SIL1: variants seen among roughly 807,000 people sequenced by gnomAD.
SIL1 encodes the protein SIL1 nucleotide exchange factor.
A neutral mutation model predicts 49.1 loss-of-function variants in SIL1; 40 were observed. The observed-to-expected ratio is 0.81, with a 90% CI of 0.63 to 1.06. SIL1 has a LOEUF of 1.06. Among genes scored for constraint, SIL1 ranks in the 50% least tolerant of loss-of-function variants. The pLI is 0.00. For synonymous variants in SIL1, 253 were observed against 250.8 expected, an observed-to-expected ratio of 1.01 and a Z score of -0.08; for missense variants, 500 against 572.6, an observed-to-expected ratio of 0.87 and a Z score of 1.29.
chr5:139,052,138 C>G lies in SIL1; in HGVS notation c.245-1092G>C, dbSNP rs768970410. 3.7e-4 allele frequency among the ~76,000 whole-genome samples: 56 copies of G among 152,096 alleles called. 1 individual carries two copies. The highest frequency in any genetic ancestry group is 1.5e-4 in the Non-Finnish European group (10 of 68,024). On this transcript the variant is annotated intron_variant, in intron 3 of 9. Coordinates refer to ENST00000394817, the MANE Select transcript of SIL1 (RefSeq NM_022464.5). ...GTTCTCTCAAATAATCAGGTAAACT[C>G]AAGTATAGAAGGATAATGATATAGG... is the stretch of plus-strand genomic sequence containing the variant.
chr5:139,124,306 C>T (rs1750712574), intron 2 of SIL1, among the ~76,000 whole-genome samples: 1 of 152,130 alleles, frequency 6.6e-6, no homozygotes, highest in African/African-American at 2.4e-5. Context: ...GACTGATGAA[C>T]CACCGAGCTA....
intron 1 of SIL1, among the ~76,000 whole-genome samples, chr5:139,159,146 C>A (rs770363763): frequency 6.6e-6 from 1 of 151,722 alleles, no homozygotes. Context: ...GCAGCACATG[C>A]GCAAAACAGT....
intron 1 of SIL1, among the ~76,000 whole-genome samples, chr5:139,165,257 A>G (rs182574455): frequency 1.4e-4 from 21 of 152,292 alleles, no homozygotes; most frequent in African/African-American, 5.1e-4. Flanking sequence ...GATAAACTCA[A>G]CCGTCAGCCA....
intron 3 of SIL1, among the ~76,000 whole-genome samples, chr5:139,069,733 A>C (rs1318963109): frequency 6.6e-6 from 1 of 152,210 alleles, no homozygotes; most frequent in Non-Finnish European, 1.5e-5. Flanking sequence ...TTGGATTTTA[A>C]AGGCAAAGGA....
chr5:139,192,110 T>G (rs1752184656), intron 1 of SIL1, among the ~76,000 whole-genome samples: 6 of 136,896 alleles, frequency 4.4e-5, no homozygotes, highest in Admixed American at 2.3e-4. Flanking sequence ...CACTGGCGAG[T>G]GAGGCATGGT....
chr5:139,092,851 C>T (rs1292374015), intron 3 of SIL1, among the ~76,000 whole-genome samples: 1 of 152,084 alleles, frequency 6.6e-6, no homozygotes, highest in Admixed American at 6.5e-5. Flanking sequence ...TTAAATGTGG[C>T]CTCCAAAGTT....
chr5:139,019,737 A>T (rs981465176), intron 7 of SIL1, among the ~76,000 whole-genome samples: 1 of 152,160 alleles, frequency 6.6e-6, no homozygotes, highest in Non-Finnish European at 1.5e-5. Flanking sequence ...TCCCCCAAGT[A>T]ATGTATTTCC....
At chr5:139,009,135 T>C (rs1309664568) in intron 7 of SIL1, among the ~76,000 whole-genome samples, 1 of 151,524 alleles carries the variant, frequency 6.6e-6, no homozygotes, top group African/African-American at 2.4e-5. Context: ...GCGTTATGAA[T>C]CTGGGTGCTC....
intron 1 of SIL1, among the ~76,000 whole-genome samples, chr5:139,175,193 G>T (rs1038058619): frequency 1.7e-4 from 26 of 152,214 alleles, no homozygotes; most frequent in African/African-American, 6.0e-4. Context: ...ATGGTGGCAC[G>T]CGCCTGTAGT....
chr5:139,111,409 C>T (rs1770835010), intron 3 of SIL1, among the ~76,000 whole-genome samples: 1 of 152,164 alleles, frequency 6.6e-6, no homozygotes, highest in South Asian at 2.1e-4. Flanking sequence ...ATAAATCTGT[C>T]AACACTGATT....
At chr5:139,122,548 T>C (rs1750662804) in intron 2 of SIL1, among the ~76,000 whole-genome samples, 1 of 151,112 alleles carries the variant, frequency 6.6e-6, no homozygotes, top group African/African-American at 2.4e-5. Flanking sequence ...TGACCTGAGA[T>C]GGCACCACCA....
At chr5:139,074,360 T>G (rs530425405) in intron 3 of SIL1, among the ~76,000 whole-genome samples, 102 of 152,296 alleles carry the variant, frequency 6.7e-4, no homozygotes, top group Non-Finnish European at 1.2e-3. Flanking sequence ...GCTGGTCTAT[T>G]TATACTTTAA....
At chr5:139,171,504 G>T (rs931206191) in intron 1 of SIL1, among the ~76,000 whole-genome samples, 16 of 152,086 alleles carry the variant, frequency 1.1e-4, no homozygotes, top group Admixed American at 9.2e-4. Context: ...TGAAGGCAGC[G>T]TGCTCGTTAA....
At chr5:138,968,825 G>A (rs971349394) in intron 7 of SIL1, among the ~76,000 whole-genome samples, 3 of 152,278 alleles carry the variant, frequency 2.0e-5, no homozygotes, top group Middle Eastern at 3.4e-3. Flanking sequence ...CCAGCACTAG[G>A]CACGTGGATG....
At chr5:139,093,923 G>C (rs557810338) in intron 3 of SIL1, 10 of 152,316 alleles carry the variant, frequency 6.6e-5, no homozygotes, top group African/African-American at 2.2e-4. Context: ...GGCTGAACTA[G>C]AATCAGAAAT....
intron 5 of SIL1, among the ~76,000 whole-genome samples, chr5:139,027,684 G>T (rs946556537): frequency 3.3e-5 from 5 of 152,126 alleles, no homozygotes; most frequent in Non-Finnish European, 5.9e-5. Flanking sequence ...GTGAATAAAA[G>T]ACTTTAATTA....
intron 1 of SIL1, among the ~76,000 whole-genome samples, chr5:139,166,731 A>G (rs1283620089): frequency 1.3e-5 from 2 of 151,392 alleles, no homozygotes; most frequent in Non-Finnish European, 2.9e-5. Context: ...TGGAGCCTCA[A>G]CTTTCCAGGC....
At chr5:139,186,073 G>A (rs999036117) in intron 1 of SIL1, among the ~76,000 whole-genome samples, 4 of 152,158 alleles carry the variant, frequency 2.6e-5, no homozygotes, top group African/African-American at 4.8e-5. Context: ...TGACCACCAG[G>A]CCCTTCAAAG....
intron 1 of SIL1, among the ~76,000 whole-genome samples, chr5:139,167,795 C>T (rs1199464109): frequency 1.3e-5 from 2 of 152,210 alleles, no homozygotes; most frequent in Non-Finnish European, 2.9e-5. Flanking sequence ...GAGCAACTTC[C>T]AGTCCTGCAA....
Sources: gnomAD v4.1 joint callset for allele counts (sites outside exome capture counted in the v4.1 genomes callset) on GRCh38, gnomAD v4.1.1 for gene constraint, MANE v1.5 for transcripts, NCBI Gene and HGNC (gene_info 2026-07-23, HGNC 2026-07-21) for gene names.